The following SERPINI1 variants were observed in gnomAD, a reference collection of about 807,000 sequenced individuals.
SERPINI1 encodes neuroserpin.
In SERPINI1, 19 loss-of-function variants were observed where a neutral mutation model predicts 41.1. The observed-to-expected ratio is 0.46, with a 90% CI of 0.32 to 0.68. SERPINI1 has a LOEUF of 0.68. SERPINI1 is among the 30% of genes least tolerant of loss of function. SERPINI1 has a pLI of 0.03. For missense variants in SERPINI1, 460 were observed against 479.2 expected (o/e 0.96, Z 0.37); for synonymous variants, 138 against 156.6 (o/e 0.88, Z 0.89).
chr3:167,793,596 A>ATATATATATATATATATTTTTTTTTTTTT, intron 4 of SERPINI1, among the ~76,000 whole-genome samples: 1 of 140,610 alleles, frequency 7.1e-6, no homozygotes, highest in African/African-American at 2.7e-5. Flanking sequence ...ATATATATAT[A>ATATATATATATATATATTTTTTTTTTTTT]TTTTTAATTA....
In SERPINI1 at chr3:167,792,669, G is replaced by C. The variant is rs1283342486; in HGVS notation, c.561G>C (p.Lys187Asn). The part of the protein sequence containing the change: ...YLALINAVYF[K>N]GNWKSQFRPE... ...CCCTCATTAATGCTGTCTATTTCAA[G>C]GGGAACTGGAAGTCGCAGTTTAGGC... Residue 187 changes from lysine to asparagine, a missense_variant, in exon 4 of 9, where the codon AAG (lysine) becomes AAC (asparagine). Physicochemically the swap from Lys to Asn is moderately conservative, Grantham distance 94 (BLOSUM62 0). Transcript: ENST00000446050. 6.2e-7 allele frequency: 1 copy of C among 1,613,648 alleles called. No individual in the cohort carries two copies. The highest frequency in any genetic ancestry group is 8.5e-7 in the Non-Finnish European group (1 of 1,179,884).
chr3:167,754,925 A>G (rs1165050324), intron 1 of SERPINI1, among the ~76,000 whole-genome samples: 1 of 152,090 alleles, frequency 6.6e-6, no homozygotes, highest in Non-Finnish European at 1.5e-5. Context: ...CTATTAACTG[A>G]CCACCTAGTT....
intron 6 of SERPINI1, among the ~76,000 whole-genome samples, chr3:167,813,260 T>G (rs1711955625): frequency 6.6e-6 from 1 of 152,268 alleles, no homozygotes; most frequent in South Asian, 2.1e-4. Flanking sequence ...TTCATCTTCC[T>G]GCCCCCAGCT....
At position 167,803,428 on chromosome 3, in the gene SERPINI1, T is replaced by C. The variant is rs201035139; in HGVS notation, c.882-3816T>C. On this transcript the variant is annotated intron_variant, in intron 5 of 8. Transcript: ENST00000446050. Reference sequence around the variant, plus strand: ...ACATACGACACCCTAACATCTATAATAATGTGACATGTTATACATAACTAC... The same window carrying C: ...ACATACGACACCCTAACATCTATAACAATGTGACATGTTATACATAACTAC... Among the ~76,000 whole-genome samples, 28 of 152,250 alleles carry C rather than the reference T, an allele frequency of 1.8e-4. No individual in the cohort carries two copies. In the East Asian group the frequency reaches 5.4e-3, roughly 29 times the overall value.
At chr3:167,769,374 TA>T (rs1726669104) in intron 1 of SERPINI1, among the ~76,000 whole-genome samples, 1 of 152,210 alleles carries the variant, frequency 6.6e-6, no homozygotes, top group Non-Finnish European at 1.5e-5. Flanking sequence ...AAAATAAAAT[TA>T]AACATTCTAG....
chr3:167,772,823 A>ACT (rs1172788769), intron 1 of SERPINI1, among the ~76,000 whole-genome samples: 414 of 23,484 alleles, frequency 0.018, 13 homozygotes, highest in Non-Finnish European at 0.025. Context: ...GTATCTTGAG[A>ACT]CTCTCTCTCT....
intron 1 of SERPINI1, among the ~76,000 whole-genome samples, chr3:167,737,433 CTA>C (rs1725508522): frequency 6.6e-6 from 1 of 152,122 alleles, no homozygotes; most frequent in Admixed American, 6.5e-5. Flanking sequence ...ACTGGAGAAT[CTA>C]TTAATTCACA....
intron 1 of SERPINI1, among the ~76,000 whole-genome samples, chr3:167,776,612 G>C (rs1288658351): frequency 2.6e-5 from 4 of 152,114 alleles, no homozygotes; most frequent in Non-Finnish European, 5.9e-5. Context: ...TGGGCTCTTT[G>C]GTCAAGAACC....
chr3:167,820,080 C>T (rs1712258033), intron 6 of SERPINI1, among the ~76,000 whole-genome samples: 1 of 152,116 alleles, frequency 6.6e-6, no homozygotes, highest in South Asian at 2.1e-4. Flanking sequence ...TTTCTCACAG[C>T]TCTAGAGGCT....
chr3:167,769,472 C>G (rs1408080816), intron 1 of SERPINI1, among the ~76,000 whole-genome samples: 1 of 152,116 alleles, frequency 6.6e-6, no homozygotes, highest in Non-Finnish European at 1.5e-5. Flanking sequence ...TTATTTTTGA[C>G]TATTTAAAGA....
chr3:167,793,596 A>ATTATT (rs1553774853), intron 4 of SERPINI1, among the ~76,000 whole-genome samples: 1 of 140,610 alleles, frequency 7.1e-6, no homozygotes, highest in African/African-American at 2.7e-5. Flanking sequence ...ATATATATAT[A>ATTATT]TTTTTAATTA....
intron 1 of SERPINI1, among the ~76,000 whole-genome samples, chr3:167,785,270 C>T (rs1727270012): frequency 6.6e-6 from 1 of 152,190 alleles, no homozygotes; most frequent in Admixed American, 6.5e-5. Context: ...TGCACACTCT[C>T]TCTTATTTAT....
At chr3:167,767,401 G>A (rs1254323949) in intron 1 of SERPINI1, among the ~76,000 whole-genome samples, 1 of 152,166 alleles carries the variant, frequency 6.6e-6, no homozygotes, top group African/African-American at 2.4e-5. Flanking sequence ...AGCTCTGATG[G>A]AAATGTACAT....
intron 5 of SERPINI1, among the ~76,000 whole-genome samples, chr3:167,800,832 A>C (rs1326581225): frequency 7.5e-6 from 1 of 133,898 alleles, no homozygotes; most frequent in Non-Finnish European, 1.5e-5. Flanking sequence ...TTTTAGACAG[A>C]ATCTCACTCT....
At chr3:167,778,775 T>A (rs1482284462) in intron 1 of SERPINI1, among the ~76,000 whole-genome samples, 2 of 152,242 alleles carry the variant, frequency 1.3e-5, no homozygotes, top group African/African-American at 4.8e-5. Flanking sequence ...TTCAGGCCCT[T>A]ACCATAATTC....
In SERPINI1 at chr3:167,788,528, G is replaced by T. The variant is rs777656444; in HGVS notation, c.-18-583G>T. Among the ~76,000 whole-genome samples the T allele has an allele frequency of 3.9e-5, 6 of 152,226 alleles. No homozygotes were observed. The South Asian group carries it at 1.2e-3, about 32-fold the overall frequency. On this transcript the variant is annotated intron_variant, in intron 1 of 8. Coordinates refer to ENST00000446050, the MANE Select transcript of SERPINI1 (RefSeq NM_001122752.2). ...GCAGCAACCTCCTAGGAACCAATAC[G>T]TGAGGAACAATCACACAAGGATGTG...
chr3:167,801,998 C>G (rs1288799222), intron 5 of SERPINI1, among the ~76,000 whole-genome samples: 1 of 152,036 alleles, frequency 6.6e-6, no homozygotes, highest in Non-Finnish European at 1.5e-5. Context: ...TGATCTTTGA[C>G]AAACCTGAGA....
rs573933214 is a variant in SERPINI1 at position 167,767,657 on chromosome 3, A to C, written c.-18-21454A>C. Among the ~76,000 whole-genome samples, 4 of 152,268 alleles carry C rather than the reference A, an allele frequency of 2.6e-5. No homozygotes were observed. In the South Asian group the frequency reaches 8.3e-4, roughly 32 times the overall value. On this transcript the variant is annotated intron_variant, in intron 1 of 8. Transcript: ENST00000446050. ...AAAATGTTATCTTTTTTGTAAAGAA[A>C]ATTTTTGATTCACGGGAGAAAGTTA...
At chr3:167,798,719 C>T (rs1244775748) in intron 5 of SERPINI1, among the ~76,000 whole-genome samples, 1 of 152,122 alleles carries the variant, frequency 6.6e-6, no homozygotes, top group East Asian at 1.9e-4. Context: ...TTTATACAAA[C>T]AGCTTTCAAA....
Sources: allele counts gnomAD v4.1 joint callset (sites outside exome capture counted in the v4.1 genomes callset), GRCh38; gene constraint gnomAD v4.1.1; transcripts MANE v1.5; gene names NCBI Gene and HGNC (gene_info 2026-07-23, HGNC 2026-07-21).